The following ASTN2 variants were observed in gnomAD, a reference collection of about 807,000 sequenced individuals.
The protein encoded by ASTN2 is astrotactin-2.
A neutral mutation model predicts 139.8 loss-of-function variants in ASTN2; 54 were observed. The ratio of observed to expected loss-of-function variants is 0.39; its 90% confidence interval spans 0.31 to 0.48. The LOEUF is 0.48. Ranked by LOEUF, ASTN2 falls within the 20% of genes least tolerant of loss-of-function variation. ASTN2 has a pLI of 0.95. For missense variants in ASTN2, 1,565 were observed against 1,725.1 expected, an observed-to-expected ratio of 0.91 and a Z score of 1.64; for synonymous variants, 756 against 719.5, an observed-to-expected ratio of 1.05 and a Z score of -0.81.
At chr9:117,108,488 T>C (rs1193516708) in intron 4 of ASTN2, among the ~76,000 whole-genome samples, 1 of 132,624 alleles carries the variant, frequency 7.5e-6, no homozygotes, top group Non-Finnish European at 1.8e-5. Flanking sequence ...TCATTCAATC[T>C]GTTGGGAGCC....
chr9:117,039,690 G>T (rs982746211), intron 6 of ASTN2, 129 bp downstream of exon 6: 2 of 955,544 alleles, frequency 2.1e-6, no homozygotes, highest in Admixed American at 3.6e-5. Flanking sequence ...GTCTTTAGAT[G>T]CTCCTTTTTT....
intron 1 of ASTN2, among the ~76,000 whole-genome samples, chr9:117,308,240 TCAATCAATCAAA>T (rs1255986868): frequency 8.4e-6 from 1 of 118,674 alleles, no homozygotes; most frequent in African/African-American, 2.7e-5. Context: ...AATCAATCAA[TCAATCAATCAAA>T]CAAACAAAAA....
At chr9:117,066,987 C>T (rs2132699607) in intron 5 of ASTN2, among the ~76,000 whole-genome samples, 1 of 105,208 alleles carries the variant, frequency 9.5e-6, no homozygotes, top group South Asian at 4.1e-4. Flanking sequence ...GTTTCTTTTG[C>T]TGTGCAGAAG....
rs1251722112 is a variant in ASTN2 at position 116,428,107 on chromosome 9, A to G, written c.3783-2019T>C. Among the ~76,000 whole-genome samples the G allele has an allele frequency of 2.6e-5, 4 of 152,376 alleles. No homozygotes were observed. In the East Asian group the frequency reaches 7.7e-4, roughly 29 times the overall value. ...GACAAAAGCAATTATAAAAGAAGTC[A>G]CGAGAGCTGTGTGAAGACAGAGGAA... On this transcript the variant is annotated intron_variant, in intron 22 of 22. Transcript: ENST00000313400.
At chr9:117,343,119 C>A (rs1829110809) in intron 1 of ASTN2, among the ~76,000 whole-genome samples, 1 of 152,136 alleles carries the variant, frequency 6.6e-6, no homozygotes, top group African/African-American at 2.4e-5. Flanking sequence ...AAAGTATGTG[C>A]AGGGCTGCAA....
Position 116,783,154 on chromosome 9 carries a change from G to A in ASTN2, c.2396+22478C>T, listed in dbSNP as rs185641498. ...AGGCTTTCTGCGTCTCTATCACCTCGAACAGTGGTTAAAATTTTAGTCAGT... is the reference window on the plus strand; with the variant it reads ...AGGCTTTCTGCGTCTCTATCACCTCAAACAGTGGTTAAAATTTTAGTCAGT... On this transcript the variant is annotated intron_variant, in intron 13 of 22. Transcript: ENST00000313400. Among the ~76,000 whole-genome samples, 412 of 152,122 alleles carry A rather than the reference G, an allele frequency of 2.7e-3. 1 individual carries two copies. The highest frequency in any genetic ancestry group is 4.0e-3 in the Non-Finnish European group (272 of 68,004).
At chr9:116,765,957 C>T (rs907055318) in intron 13 of ASTN2, among the ~76,000 whole-genome samples, 2 of 152,036 alleles carry the variant, frequency 1.3e-5, no homozygotes, top group East Asian at 1.9e-4. Flanking sequence ...AGGGAATAAG[C>T]GTTGTGTGGC....
At chr9:117,305,364 C>G (rs187336672) in intron 1 of ASTN2, among the ~76,000 whole-genome samples, 1 of 152,244 alleles carries the variant, frequency 6.6e-6, no homozygotes, top group East Asian at 1.9e-4. Flanking sequence ...GCCAATCAAC[C>G]TGGTGGAAGA....
chr9:116,988,562 A>G (rs1836747644), intron 7 of ASTN2, among the ~76,000 whole-genome samples: 1 of 152,158 alleles, frequency 6.6e-6, no homozygotes. Context: ...CTGATTTTAT[A>G]CAGGAGGAAA....
chr9:117,166,989 T>C (rs1335825233), intron 3 of ASTN2, among the ~76,000 whole-genome samples: 2 of 152,176 alleles, frequency 1.3e-5, no homozygotes, highest in Non-Finnish European at 2.9e-5. Flanking sequence ...AAGAGTAATG[T>C]TAAAATTCCC....
At chr9:116,997,992 G>C (rs754747836) in intron 7 of ASTN2, among the ~76,000 whole-genome samples, 6 of 152,194 alleles carry the variant, frequency 3.9e-5, no homozygotes, top group Middle Eastern at 3.4e-3. Flanking sequence ...GAGAGAAATG[G>C]GATTTATGAG....
At chr9:116,993,618 G>A in intron 7 of ASTN2, among the ~76,000 whole-genome samples, 1 of 148,144 alleles carries the variant, frequency 6.8e-6, no homozygotes, top group Non-Finnish European at 1.5e-5. Context: ...ACTATATACA[G>A]TATCTATATA....
intron 19 of ASTN2, among the ~76,000 whole-genome samples, chr9:116,561,027 T>C (rs910989358): frequency 6.6e-6 from 1 of 152,126 alleles, no homozygotes; most frequent in Non-Finnish European, 1.5e-5. Flanking sequence ...TGGGTTAGTT[T>C]GTAAAGATGA....
At chr9:117,031,137 G>T (rs1217675967) in intron 6 of ASTN2, among the ~76,000 whole-genome samples, 2 of 152,156 alleles carry the variant, frequency 1.3e-5, no homozygotes, top group Non-Finnish European at 2.9e-5. Flanking sequence ...TTGAGGAGGG[G>T]TGTGTGAATT....
intron 2 of ASTN2, among the ~76,000 whole-genome samples, chr9:117,269,860 G>C (rs774993767): frequency 2.0e-5 from 3 of 152,142 alleles, no homozygotes; most frequent in Non-Finnish European, 2.9e-5. Flanking sequence ...TTTATCTACT[G>C]TCCCAATGGT....
intron 5 of ASTN2, among the ~76,000 whole-genome samples, chr9:117,072,326 C>T (rs1218383326): frequency 2.0e-5 from 3 of 152,168 alleles, no homozygotes; most frequent in Admixed American, 6.5e-5. Context: ...CTTCTCTAGT[C>T]TCAGCTGGTT....
rs563308305 is a variant in ASTN2 at position 116,677,042 on chromosome 9, G to C, written c.2807-25249C>G. 4.6e-5 allele frequency among the ~76,000 whole-genome samples: 7 copies of C among 152,320 alleles called. No homozygotes were observed. The East Asian group carries it at 1.4e-3, about 29-fold the overall frequency. On this transcript the variant is annotated intron_variant, in intron 16 of 22. Coordinates refer to ENST00000313400, the MANE Select transcript of ASTN2 (RefSeq NM_001365068.1). Reference sequence around the variant, plus strand: ...AGCCAGGTAATAAGAGATTTGAAATGATTTTTTTTAAAGAGCACTATGGTT... The same window carrying C: ...AGCCAGGTAATAAGAGATTTGAAATCATTTTTTTTAAAGAGCACTATGGTT...
intron 6 of ASTN2, among the ~76,000 whole-genome samples, chr9:117,023,325 A>G (rs571585697): frequency 6.6e-6 from 1 of 152,208 alleles, no homozygotes; most frequent in African/African-American, 2.4e-5. Context: ...ACCTTGTTCC[A>G]CCTTGTTCAA....
chr9:116,627,679 A>AAATGTAGTAGAAC (rs1441573472), intron 17 of ASTN2, among the ~76,000 whole-genome samples: 3 of 152,192 alleles, frequency 2.0e-5, no homozygotes, highest in African/African-American at 7.2e-5. Flanking sequence ...TCACTCGCTA[A>AAATGTAGTAGAAC]AATGTAGTAG....
Sources: gnomAD v4.1 joint callset for allele counts (sites outside exome capture counted in the v4.1 genomes callset) on GRCh38, gnomAD v4.1.1 for gene constraint, MANE v1.5 for transcripts, NCBI Gene and HGNC (gene_info 2026-07-23, HGNC 2026-07-21) for gene names.